The following EYA4 variants were observed in gnomAD, a reference collection of about 807,000 sequenced individuals.
EYA4 encodes the protein protein phosphatase EYA4.
Under a neutral mutation model 87.9 loss-of-function variants are expected in EYA4, and 31 were observed. The ratio of observed to expected loss-of-function variants is 0.35; its 90% CI spans 0.27 to 0.48. The LOEUF (loss-of-function observed/expected upper bound fraction) is 0.48, where lower values mean the gene tolerates loss of function less well. Ranked by LOEUF, EYA4 falls within the 20% of genes least tolerant of loss-of-function variation. The probability of loss-of-function intolerance (pLI) is 0.99; values close to 1 mark genes in which losing one functional copy is unlikely to be tolerated. For missense variants in EYA4, 678 were observed against 761.4 expected (o/e 0.89, Z 1.29); for synonymous variants, 263 against 270.6 (o/e 0.97, Z 0.28).
chr6:133,431,767 T>G (rs1315439525), intron 3 of EYA4, among the ~76,000 whole-genome samples: 3 of 152,186 alleles, frequency 2.0e-5, no homozygotes, highest in Non-Finnish European at 4.4e-5. Flanking sequence ...GTGCTTTAAA[T>G]TTATAACATT....
chr6:133,456,963 C>T (rs1260526577), intron 6 of EYA4, among the ~76,000 whole-genome samples: 1 of 152,108 alleles, frequency 6.6e-6, no homozygotes, highest in African/African-American at 2.4e-5. Flanking sequence ...GTTGTAGTAG[C>T]TGACCTTGCT....
At chr6:133,357,682 C>T (rs993754802) in intron 2 of EYA4, among the ~76,000 whole-genome samples, 2 of 152,076 alleles carry the variant, frequency 1.3e-5, no homozygotes, top group South Asian at 4.1e-4. Context: ...CCAGAAACAG[C>T]TGTCTTACTA....
chr6:133,378,103 T>G (rs1210774436), intron 2 of EYA4, among the ~76,000 whole-genome samples: 1 of 152,100 alleles, frequency 6.6e-6, no homozygotes, highest in Non-Finnish European at 1.5e-5. Context: ...ATACATTAAA[T>G]AGGTGTACCT....
At chr6:133,526,983 A>C (rs1269588767) in intron 19 of EYA4, among the ~76,000 whole-genome samples, 1 of 152,220 alleles carries the variant, frequency 6.6e-6, no homozygotes, top group Non-Finnish European at 1.5e-5. Flanking sequence ...AACTTAGCCG[A>C]GTCTACCTGT....
intron 7 of EYA4, 27 bp from the exon 8 acceptor site, chr6:133,462,308 C>T: frequency 6.2e-7 from 1 of 1,613,240 alleles, no homozygotes; most frequent in Non-Finnish European, 8.5e-7. Flanking sequence ...TTTGTTGCCA[C>T]AGTAATGCTA....
In EYA4 at chr6:133,512,729, T is replaced by C; in HGVS notation, c.1290T>C (p.Asp430=). The change falls in exon 15 of 20, where the codon GAT becomes GAC. Residue 430 remains aspartate, a synonymous_variant. Transcript: ENST00000355286. The stretch of plus-strand genomic sequence containing the variant: ...TCCAATGTTTTTAACAGGAGTGTGA[T>C]CAAGTTCATATAGATGATGTTTCCT... ...HLFFNDLEEC[D]QVHIDDVSSD... 1.2e-6 allele frequency: 2 copies of C among 1,611,556 alleles called. No individual in the cohort carries two copies. The highest frequency in any genetic ancestry group is 1.7e-6 in the Non-Finnish European group (2 of 1,177,610).
rs572992424 is a variant in EYA4, at chr6:133,396,054, T to C, written c.83+13613T>C. ...CTTCCCCTTCTTTCCTATCTTAGGA[T>C]GACTTTTACCATGGGCATTGCACTT... On this transcript the variant is annotated intron_variant, in intron 3 of 19. Transcript: ENST00000355286. Among the ~76,000 whole-genome samples, 10 of 152,354 alleles carry C rather than the reference T, an allele frequency of 6.6e-5. 1 individual carries two copies. The South Asian group carries it at 1.7e-3, about 25-fold the overall frequency.
At chr6:133,432,938 T>TA (rs1457690855) in intron 3 of EYA4, among the ~76,000 whole-genome samples, 1 of 151,612 alleles carries the variant, frequency 6.6e-6, no homozygotes, top group Non-Finnish European at 1.5e-5. Context: ...CCCGAGAAGA[T>TA]ATTTGGAAAC....
In EYA4 at chr6:133,356,746, A is replaced by AGT. The variant is rs58234857; in HGVS notation, c.34-25601_34-25600dup. Among the ~76,000 whole-genome samples, 1,355 of 136,812 alleles carry AGT rather than the reference A, an allele frequency of 9.9e-3. 5 individuals carry two copies. The highest frequency in any genetic ancestry group is 0.012 in the South Asian group (47 of 4,012). The allele number at this position is 136,812 out of a possible 152,430, so 89.8% of individuals were successfully genotyped here. On this transcript the variant is annotated intron_variant, in intron 2 of 19. Coordinates refer to ENST00000355286, the MANE Select transcript of EYA4 (RefSeq NM_004100.5). ...CATTTGAAGTGTCAAAGCATTATTC[A>AGT]GTGTGTGTGTGTGTGTGTGTGTGTG...
chr6:133,364,981 T>C (rs1385165253), intron 2 of EYA4, among the ~76,000 whole-genome samples: 1 of 152,208 alleles, frequency 6.6e-6, no homozygotes, highest in Non-Finnish European at 1.5e-5. Flanking sequence ...TCTAGAACTA[T>C]TTTGAAAATT....
chr6:133,440,507 A>G (rs1206834107), intron 3 of EYA4, among the ~76,000 whole-genome samples: 1 of 152,192 alleles, frequency 6.6e-6, no homozygotes, highest in Non-Finnish European at 1.5e-5. Flanking sequence ...GTTAAGACAG[A>G]GTGTGAAAAG....
intron 13 of EYA4, among the ~76,000 whole-genome samples, chr6:133,498,918 T>A (rs750487414): frequency 5.3e-5 from 8 of 152,344 alleles, no homozygotes; most frequent in Non-Finnish European, 1.2e-4. Context: ...CGTGATCTCA[T>A]GAATAGCCAA....
At chr6:133,263,051 C>T (rs182535541) in intron 1 of EYA4, among the ~76,000 whole-genome samples, 7 of 152,266 alleles carry the variant, frequency 4.6e-5, no homozygotes, top group African/African-American at 7.2e-5. Context: ...GCATGCTTCC[C>T]GGGTGGTTGG....
intron 2 of EYA4, among the ~76,000 whole-genome samples, chr6:133,356,783 GTGTGTGTGTA>G (rs1351024947): frequency 2.7e-3 from 262 of 97,128 alleles, no homozygotes; most frequent in African/African-American, 0.011. Context: ...GTGTGTGTGT[GTGTGTGTGTA>G]TATATATATT....
At chr6:133,294,912 G>A (rs903716651) in intron 2 of EYA4, among the ~76,000 whole-genome samples, 10 of 152,116 alleles carry the variant, frequency 6.6e-5, no homozygotes, top group African/African-American at 2.2e-4. Flanking sequence ...AGATGTCAAC[G>A]TTGCATTTGT....
chr6:133,349,333 A>G (rs894585206), intron 2 of EYA4, among the ~76,000 whole-genome samples: 3 of 151,772 alleles, frequency 2.0e-5, no homozygotes, highest in Non-Finnish European at 4.4e-5. Flanking sequence ...TTGTTTTGTT[A>G]CTCTTTTCTG....
chr6:133,265,954 G>A (rs1193252506), intron 1 of EYA4, among the ~76,000 whole-genome samples: 1 of 152,146 alleles, frequency 6.6e-6, no homozygotes, highest in Non-Finnish European at 1.5e-5. Flanking sequence ...CTTCTTTCCT[G>A]ACAATCAGTA....
chr6:133,518,183 G>A (rs976458475), intron 17 of EYA4, among the ~76,000 whole-genome samples: 25 of 151,836 alleles, frequency 1.6e-4, no homozygotes, highest in African/African-American at 6.0e-4. Context: ...ATTTCTAAAA[G>A]ATGTCTTCTA....
At chr6:133,477,940 G>T (rs1405575699) in intron 11 of EYA4, among the ~76,000 whole-genome samples, 2 of 151,900 alleles carry the variant, frequency 1.3e-5, no homozygotes, top group African/African-American at 4.8e-5. Context: ...ATGGGCAAAA[G>T]ATTTAACAGT....
Sources: allele counts gnomAD v4.1 joint callset (sites outside exome capture counted in the v4.1 genomes callset), GRCh38; gene constraint gnomAD v4.1.1; transcripts MANE v1.5; gene names NCBI Gene and HGNC (gene_info 2026-07-23, HGNC 2026-07-21).